NMNAT3: variants seen among roughly 807,000 people sequenced by gnomAD.
NMNAT3 encodes nicotinamide/nicotinic acid mononucleotide adenylyltransferase 3.
In NMNAT3, 21 loss-of-function variants were observed where a neutral mutation model predicts 24.8. The ratio of observed to expected loss-of-function variants is 0.85; its 90% confidence interval spans 0.60 to 1.22. The LOEUF is 1.22. Among genes scored for constraint, NMNAT3 ranks in the 50% most tolerant of loss-of-function variants. The pLI is 0.00. For synonymous variants in NMNAT3, 136 were observed against 155.2 expected, an observed-to-expected ratio of 0.88 and a Z score of 0.92; for missense variants, 387 against 436.6, an observed-to-expected ratio of 0.89 and a Z score of 1.01.
intron 3 of NMNAT3, chr3:139,599,470 T>A: frequency 1.4e-6 from 1 of 697,228 alleles, no homozygotes; most frequent in Non-Finnish European, 2.6e-6. Context: ...GACAAAAATC[T>A]AAGAGATCAG....
intron 6 of NMNAT3, among the ~76,000 whole-genome samples, chr3:139,563,264 AATTTCTTATC>A (rs1449601539): frequency 6.6e-6 from 1 of 152,138 alleles, no homozygotes; most frequent in Non-Finnish European, 1.5e-5. Context: ...GTTTTACTCC[AATTTCTTATC>A]TATCCAACCA....
At chr3:139,663,206 C>A (rs1309777542) in intron 1 of NMNAT3, among the ~76,000 whole-genome samples, 2 of 152,204 alleles carry the variant, frequency 1.3e-5, no homozygotes. Context: ...AGCTTCCAAG[C>A]CAGCAATGGG....
chr3:139,596,916 G>GTGTGTATATATATATATATA (rs1393197797), intron 3 of NMNAT3, among the ~76,000 whole-genome samples: 2 of 97,158 alleles, frequency 2.1e-5, no homozygotes, highest in Non-Finnish European at 4.1e-5. Context: ...TGTCATGTGT[G>GTGTGTATATATATATATATA]TATATATATA....
intron 1 of NMNAT3, among the ~76,000 whole-genome samples, chr3:139,676,456 A>G (rs562808930): frequency 2.6e-5 from 4 of 152,328 alleles, no homozygotes; most frequent in East Asian, 3.9e-4. Flanking sequence ...AGAACCACCA[A>G]TGAAATTCAA....
At chr3:139,652,580 T>A (rs2057091345) in intron 1 of NMNAT3, among the ~76,000 whole-genome samples, 1 of 152,014 alleles carries the variant, frequency 6.6e-6, no homozygotes, top group African/African-American at 2.4e-5. Flanking sequence ...GAGCAGCCTA[T>A]GGGGGGCAAC....
Position 139,573,646 on chromosome 3 carries a change from G to A in NMNAT3, c.610C>T (p.Gln204Ter). The change falls in exon 6 of 7, where the codon CAG (glutamine) becomes TAG (stop). Residue 204 changes from glutamine to a stop codon, truncating the protein, a stop_gained. Coordinates refer to ENST00000643695, the MANE Select transcript of NMNAT3 (RefSeq NM_001320510.2). LOFTEE classifies it low-confidence loss of function (END_TRUNC). The stretch of plus-strand genomic sequence containing the variant: ...TTGCCATGGTCTGGGCCTTCCATCT[G>A]GGGTGGAGATCTGAGCAGTTTGCTG... 6.2e-7 allele frequency: 1 copy of A among 1,606,220 alleles called. No individual in the cohort carries two copies. Among genetic ancestry groups the A allele is most frequent in the Non-Finnish European group, 8.5e-7 (1 of 1,176,730 alleles).
chr3:139,647,082 C>G (rs534313099), intron 1 of NMNAT3, among the ~76,000 whole-genome samples: 1 of 152,344 alleles, frequency 6.6e-6, no homozygotes, highest in Admixed American at 6.5e-5. Context: ...TAGATAGCTT[C>G]TCAATTTCCT....
At chr3:139,618,280 G>A (rs369392051) in intron 3 of NMNAT3, among the ~76,000 whole-genome samples, 5 of 152,160 alleles carry the variant, frequency 3.3e-5, no homozygotes, top group Non-Finnish European at 5.9e-5. Flanking sequence ...ATCTACAGAC[G>A]TAAGTTCCTT....
At chr3:139,567,819 C>T (rs894431509) in intron 6 of NMNAT3, 7 of 152,192 alleles carry the variant, frequency 4.6e-5, no homozygotes, top group African/African-American at 1.7e-4. Context: ...TGTTGTGTCT[C>T]TGCCAGGCTT....
Position 139,627,610 on chromosome 3 carries a change from A to T in NMNAT3, c.109+6T>A. ...CTTCTGTTGGACTCAGGGCCCCCTGACTGACCTGTTTGGTGTAGGTGATCT... is the reference window on the plus strand; with the variant it reads ...CTTCTGTTGGACTCAGGGCCCCCTGTCTGACCTGTTTGGTGTAGGTGATCT... On this transcript the variant is annotated splice_donor_region_variant and intron_variant, in intron 3 of 6. Coordinates refer to ENST00000643695, the MANE Select transcript of NMNAT3 (RefSeq NM_001320510.2). The T allele has an allele frequency of 6.4e-7, 1 of 1,560,130 alleles. No individual in the cohort carries two copies. Among genetic ancestry groups the T allele is most frequent in the African/African-American group, 1.3e-5 (1 of 74,220 alleles).
At chr3:139,599,878 T>C (rs1383657256) in intron 3 of NMNAT3, among the ~76,000 whole-genome samples, 2 of 152,256 alleles carry the variant, frequency 1.3e-5, no homozygotes, top group African/African-American at 4.8e-5. Flanking sequence ...TGTGACTGGA[T>C]TGAGGAAGCC....
chr3:139,605,711 T>C (rs999161279), intron 3 of NMNAT3, among the ~76,000 whole-genome samples: 1 of 152,108 alleles, frequency 6.6e-6, no homozygotes, highest in African/African-American at 2.4e-5. Context: ...TTTGCCTGGC[T>C]TTGAAGTTTT....
intron 2 of NMNAT3, chr3:139,637,610 C>T (rs895951785): frequency 3.9e-5 from 6 of 152,262 alleles, no homozygotes; most frequent in Non-Finnish European, 8.8e-5. Flanking sequence ...CCCACCTTCT[C>T]TATTCCTTAC....
chr3:139,560,743 A>T lies in NMNAT3; in HGVS notation c.*267T>A. ...AAATAAGTAGACCTCCTTGTCCAGCAGCTCTGAGAGATTCTGCCTAATCCT... is the reference window on the plus strand; with the variant it reads ...AAATAAGTAGACCTCCTTGTCCAGCTGCTCTGAGAGATTCTGCCTAATCCT... On this transcript the variant is annotated 3_prime_UTR_variant, in exon 7 of 7. Transcript: ENST00000643695. 1 of 429,620 alleles carries T rather than the reference A, an allele frequency of 2.3e-6. No individual in the cohort carries two copies. The highest frequency in any genetic ancestry group is 4.2e-6 in the Non-Finnish European group (1 of 240,312). 26.6% of individuals were successfully genotyped at this position (429,620 alleles called of 1,614,324 possible). A position where few individuals can be genotyped will look rare whatever the true frequency, so the allele number is the denominator to read the frequency against.
At chr3:139,664,415 C>T (rs1348551420) in intron 1 of NMNAT3, among the ~76,000 whole-genome samples, 2 of 152,112 alleles carry the variant, frequency 1.3e-5, no homozygotes, top group Non-Finnish European at 2.9e-5. Flanking sequence ...AATGAGTGGT[C>T]CAGGAGCTAT....
chr3:139,657,469 C>T (rs1170296300), intron 1 of NMNAT3, among the ~76,000 whole-genome samples: 1 of 152,206 alleles, frequency 6.6e-6, no homozygotes, highest in Non-Finnish European at 1.5e-5. Flanking sequence ...GGGGCCTCCA[C>T]TCAAGGTTCA....
chr3:139,633,208 T>G (rs530083474), intron 2 of NMNAT3, among the ~76,000 whole-genome samples: 2 of 151,984 alleles, frequency 1.3e-5, no homozygotes, highest in South Asian at 4.2e-4. Flanking sequence ...GAGATAGCGT[T>G]TTGCTCTTGT....
At chr3:139,615,342 C>T (rs913906763) in intron 3 of NMNAT3, among the ~76,000 whole-genome samples, 2 of 152,092 alleles carry the variant, frequency 1.3e-5, no homozygotes, top group African/African-American at 4.8e-5. Flanking sequence ...TGGGGTACAA[C>T]TATTTCTAGG....
At chr3:139,577,504 G>A (rs1576547750) in intron 5 of NMNAT3, among the ~76,000 whole-genome samples, 1 of 152,336 alleles carries the variant, frequency 6.6e-6, no homozygotes, top group East Asian at 1.9e-4. Context: ...CTAGGCTACA[G>A]TGCTTCTCAC....
Sources: allele counts gnomAD v4.1 joint callset (sites outside exome capture counted in the v4.1 genomes callset), GRCh38; gene constraint gnomAD v4.1.1; transcripts MANE v1.5; gene names NCBI Gene and HGNC (gene_info 2026-07-23, HGNC 2026-07-21).